MIPEP: variants seen among roughly 807,000 people sequenced by gnomAD.
MIPEP encodes mitochondrial intermediate peptidase.
MIPEP carries 79 observed loss-of-function variants against 90.3 expected under a neutral mutation model. The ratio of observed to expected loss-of-function variants is 0.87; its 90% CI spans 0.73 to 1.05. The LOEUF is 1.05. Ranked by LOEUF, MIPEP falls within the 50% of genes least tolerant of loss-of-function variation. The pLI is 0.00. For missense variants in MIPEP, 940 were observed against 905.6 expected (o/e 1.04, Z -0.49); for synonymous variants, 334 against 315.8 (o/e 1.06, Z -0.61).
At chr13:23,833,436 T>G (rs1267413711) in intron 14 of MIPEP, among the ~76,000 whole-genome samples, 1 of 152,192 alleles carries the variant, frequency 6.6e-6, no homozygotes, top group South Asian at 2.1e-4. Flanking sequence ...ATCCATCTTC[T>G]GTGTCTGAAA....
intron 3 of MIPEP, among the ~76,000 whole-genome samples, 161 bp from the exon 4 acceptor site, chr13:23,879,515 T>A (rs551103962): frequency 3.9e-5 from 6 of 151,970 alleles, no homozygotes; most frequent in African/African-American, 1.2e-4. Context: ...CTTCTTTCCT[T>A]CCCTTCTTTC....
intron 16 of MIPEP, among the ~76,000 whole-genome samples, chr13:23,766,975 GA>G (rs1952596778): frequency 6.6e-6 from 1 of 152,226 alleles, no homozygotes; most frequent in African/African-American, 2.4e-5. Flanking sequence ...TTAGCTAGAG[GA>G]AGAAGGTGAC....
intron 15 of MIPEP, among the ~76,000 whole-genome samples, chr13:23,809,635 G>T (rs1953150195): frequency 6.6e-6 from 1 of 152,166 alleles, no homozygotes; most frequent in African/African-American, 2.4e-5. Context: ...GAGCCACTGT[G>T]CCTGGCCAGG....
chr13:23,776,164 TACAA>T (rs2138539755), intron 16 of MIPEP, among the ~76,000 whole-genome samples: 1 of 152,226 alleles, frequency 6.6e-6, no homozygotes, highest in East Asian at 1.9e-4. Flanking sequence ...CTTCTCTGCT[TACAA>T]ACTTCAAACC....
intron 8 of MIPEP, among the ~76,000 whole-genome samples, chr13:23,863,715 T>A (rs1165104978): frequency 6.6e-6 from 1 of 152,076 alleles, no homozygotes; most frequent in Non-Finnish European, 1.5e-5. Flanking sequence ...CAGCTTGAAA[T>A]TACAAATGTT....
At chr13:23,773,377 T>C (rs1252508206) in intron 16 of MIPEP, among the ~76,000 whole-genome samples, 1 of 152,234 alleles carries the variant, frequency 6.6e-6, no homozygotes, top group Non-Finnish European at 1.5e-5. Context: ...TTGAGTGGTT[T>C]CCACTTTTTG....
At chr13:23,885,336 T>C (rs1449074755) in intron 2 of MIPEP, among the ~76,000 whole-genome samples, 2 of 152,074 alleles carry the variant, frequency 1.3e-5, no homozygotes, top group Non-Finnish European at 2.9e-5. Context: ...GGATGGTTAA[T>C]GGCTACAAAA....
chr13:23,760,548 G>C, intron 16 of MIPEP: 2 of 555,562 alleles, frequency 3.6e-6, no homozygotes. Context: ...TCTTGGAAGA[G>C]GAGGAAAGGT....
intron 16 of MIPEP, among the ~76,000 whole-genome samples, chr13:23,784,834 G>A (rs983709171): frequency 6.6e-6 from 1 of 152,174 alleles, no homozygotes; most frequent in African/African-American, 2.4e-5. Flanking sequence ...TGAAGGATAT[G>A]AACAGACACT....
chr13:23,887,418 G>A (rs377146110), intron 1 of MIPEP, among the ~76,000 whole-genome samples: 36 of 152,254 alleles, frequency 2.4e-4, no homozygotes, highest in African/African-American at 8.7e-4. Context: ...TACAGATCAG[G>A]CCACATGCTT....
Position 23,889,232 on chromosome 13 carries a change from C to A in MIPEP, c.89G>T (p.Gly30Val). ...GGTGCTGACCCTTCGGGCCCGGATCCCGGCTTCGAGGCTTCCCCGGCCCGC... is the reference window on the plus strand; with the variant it reads ...GGTGCTGACCCTTCGGGCCCGGATCACGGCTTCGAGGCTTCCCCGGCCCGC... ...RRAGRGSLEA[G>V]IRARRVSTSW... Residue 30 changes from glycine to valine, a missense_variant, in exon 1 of 19, where the codon GGG (glycine) becomes GTG (valine). By Grantham distance (109) the Gly-to-Val change is moderately radical (BLOSUM62 -3). Coordinates refer to ENST00000382172, the MANE Select transcript of MIPEP (RefSeq NM_005932.4). 1 of 1,411,498 alleles carries A rather than the reference C, an allele frequency of 7.1e-7. No individual in the cohort carries two copies. The highest frequency in any genetic ancestry group is 3.4e-5 in the Admixed American group (1 of 29,418). 87.4% of individuals were successfully genotyped at this position (1,411,498 alleles called of 1,614,324 possible). A position where few individuals can be genotyped will look rare whatever the true frequency, so the allele number is the denominator to read the frequency against.
chr13:23,781,634 G>GCTCA (rs146655319), intron 16 of MIPEP, among the ~76,000 whole-genome samples: 3 of 101,344 alleles, frequency 3.0e-5, no homozygotes, highest in Non-Finnish European at 7.8e-5. Context: ...TGGGCTAAAT[G>GCTCA]CTCCAATTAA....
chr13:23,781,122 C>T (rs1240949798), intron 16 of MIPEP, among the ~76,000 whole-genome samples: 7 of 152,060 alleles, frequency 4.6e-5, no homozygotes, highest in African/African-American at 7.2e-5. Flanking sequence ...AGATACTCCT[C>T]GAGAAGAGCA....
intron 14 of MIPEP, among the ~76,000 whole-genome samples, chr13:23,817,954 T>C (rs754142195): frequency 3.9e-5 from 6 of 152,078 alleles, no homozygotes; most frequent in Non-Finnish European, 8.8e-5. Flanking sequence ...GGAAGTTAGA[T>C]AAGGAAAAAT....
At chr13:23,883,794 A>G (rs190206835) in intron 2 of MIPEP, among the ~76,000 whole-genome samples, 1 of 152,174 alleles carries the variant, frequency 6.6e-6, no homozygotes, top group Non-Finnish European at 1.5e-5. Flanking sequence ...TCTGTGACAC[A>G]ATTAGGTGAA....
At chr13:23,862,683 T>C (rs1044736198) in intron 8 of MIPEP, among the ~76,000 whole-genome samples, 1 of 152,226 alleles carries the variant, frequency 6.6e-6, no homozygotes, top group South Asian at 2.1e-4. Flanking sequence ...TACTTTTTGC[T>C]ATACCTTTAA....
intron 16 of MIPEP, among the ~76,000 whole-genome samples, chr13:23,786,671 TTAC>T (rs1952844464): frequency 6.6e-6 from 1 of 152,058 alleles, no homozygotes; most frequent in Non-Finnish European, 1.5e-5. Context: ...AAGAGTGACT[TTAC>T]TAGTAATACA....
intron 16 of MIPEP, among the ~76,000 whole-genome samples, chr13:23,801,225 G>A (rs915912068): frequency 6.6e-6 from 1 of 152,178 alleles, no homozygotes; most frequent in Non-Finnish European, 1.5e-5. Flanking sequence ...ATCCGATATG[G>A]AAGTTGAAAG....
intron 18 of MIPEP, among the ~76,000 whole-genome samples, chr13:23,735,644 G>A (rs1952254371): frequency 6.6e-6 from 1 of 152,162 alleles, no homozygotes; most frequent in African/African-American, 2.4e-5. Context: ...GGCAACTGTG[G>A]CCACAAGAGA....
Sources: allele counts gnomAD v4.1 joint callset (sites outside exome capture counted in the v4.1 genomes callset), GRCh38; gene constraint gnomAD v4.1.1; transcripts MANE v1.5; gene names NCBI Gene and HGNC (gene_info 2026-07-23, HGNC 2026-07-21).